FER: variants seen among roughly 807,000 people sequenced by gnomAD.
The protein encoded by FER is tyrosine-protein kinase Fer.
FER carries 63 observed loss-of-function variants against 111.0 expected under a neutral mutation model. The observed-to-expected ratio is 0.57, with a 90% CI of 0.46 to 0.70. FER has a LOEUF of 0.70. Among genes scored for constraint, FER ranks in the 30% least tolerant of loss-of-function variants. The pLI is 0.00. For synonymous variants in FER, 327 were observed against 313.9 expected, an observed-to-expected ratio of 1.04 and a Z score of -0.44; for missense variants, 914 against 954.0, an observed-to-expected ratio of 0.96 and a Z score of 0.55.
At position 109,119,550 on chromosome 5, in the gene FER, T is replaced by C. The variant is rs554367313; in HGVS notation, c.2048+19031T>C. On this transcript the variant is annotated intron_variant, in intron 17 of 19. Transcript: ENST00000281092. ...CTTCTTGGTGCAGAGCTGAGTTCAA[T>C]TCCTGGATATCCTTGTTAACTTTCT... Among the ~76,000 whole-genome samples, 4 of 152,238 alleles carry C rather than the reference T, an allele frequency of 2.6e-5. No homozygotes were observed. The East Asian group carries it at 7.7e-4, about 29-fold the overall frequency.
intron 2 of FER, chr5:108,784,414 G>A (rs62361342): frequency 0.24 from 36,424 of 153,858 alleles, 4,593 homozygotes; most frequent in African/African-American, 0.31. Context: ...GCCATACCAA[G>A]GACGTGCTGA....
At chr5:109,151,180 T>C (rs1012571213) in intron 17 of FER, among the ~76,000 whole-genome samples, 1 of 152,190 alleles carries the variant, frequency 6.6e-6, no homozygotes, top group Non-Finnish European at 1.5e-5. Flanking sequence ...ACTTTGTTTT[T>C]ACATTTGTTT....
rs531943577 is a variant in FER, at chr5:109,070,299, C to T, written c.1924+23101C>T. Among the ~76,000 whole-genome samples the T allele has an allele frequency of 2.0e-3, 307 of 151,986 alleles. 2 individuals carry two copies. The highest frequency in any genetic ancestry group is 6.7e-3 in the African/African-American group (280 of 41,538). On this transcript the variant is annotated intron_variant, in intron 16 of 19. Coordinates refer to ENST00000281092, the MANE Select transcript of FER (RefSeq NM_005246.4). ...ATAAGACATGCCACATGTTTTTAGA[C>T]TTAAGGTCTATCCAGTTCAGTATAA...
chr5:108,946,667 CTGTT>C (rs1320674253), intron 11 of FER, among the ~76,000 whole-genome samples: 2 of 151,856 alleles, frequency 1.3e-5, no homozygotes, highest in Non-Finnish European at 2.9e-5. Context: ...AAATTGAAGT[CTGTT>C]TGATAGATTA....
At chr5:109,051,151 G>T (rs963776890) in intron 16 of FER, among the ~76,000 whole-genome samples, 5 of 152,110 alleles carry the variant, frequency 3.3e-5, no homozygotes, top group African/African-American at 1.2e-4. Flanking sequence ...TACACCCCCA[G>T]TGAACCTAGG....
intron 16 of FER, chr5:109,052,070 T>C (rs1440882670): frequency 2.1e-5 from 33 of 1,603,884 alleles, no homozygotes; most frequent in Non-Finnish European, 2.8e-5. Flanking sequence ...TTTATCTCAA[T>C]CTGCTTCAAG....
At chr5:108,888,869 G>A (rs568670314) in intron 9 of FER, among the ~76,000 whole-genome samples, 3 of 151,750 alleles carry the variant, frequency 2.0e-5, no homozygotes, top group South Asian at 2.1e-4. Flanking sequence ...TAAAATGTTA[G>A]GACTAGAGAC....
At chr5:109,088,399 G>A (rs1407609130) in intron 16 of FER, among the ~76,000 whole-genome samples, 1 of 152,036 alleles carries the variant, frequency 6.6e-6, no homozygotes, top group Non-Finnish European at 1.5e-5. Flanking sequence ...AAGATGGAAT[G>A]TTATTTCTGA....
chr5:108,836,655 G>A (rs1321762076), intron 5 of FER, among the ~76,000 whole-genome samples: 4 of 151,780 alleles, frequency 2.6e-5, no homozygotes, highest in East Asian at 1.9e-4. Flanking sequence ...AAACATTCTC[G>A]TTATTTTGTC....
chr5:108,992,030 G>T (rs966413789), intron 13 of FER, among the ~76,000 whole-genome samples: 4 of 152,078 alleles, frequency 2.6e-5, no homozygotes, highest in South Asian at 2.1e-4. Flanking sequence ...GCGGCCTTCC[G>T]CAGTGTTTGT....
intron 2 of FER, among the ~76,000 whole-genome samples, chr5:108,772,481 A>G (rs1015196728): frequency 1.3e-5 from 2 of 151,226 alleles, no homozygotes; most frequent in African/African-American, 2.4e-5. Flanking sequence ...CTTTTAAGAG[A>G]TAAGATTTGT....
At chr5:108,839,843 C>A (rs6890309) in intron 5 of FER, among the ~76,000 whole-genome samples, 44 of 151,992 alleles carry the variant, frequency 2.9e-4, no homozygotes, top group African/African-American at 1.0e-3. Flanking sequence ...TCCCAAACTG[C>A]TGGGATTACA....
At chr5:108,875,576 A>G (rs1256285920) in intron 8 of FER, among the ~76,000 whole-genome samples, 2 of 152,156 alleles carry the variant, frequency 1.3e-5, no homozygotes, top group Non-Finnish European at 2.9e-5. Context: ...TTGAAAAAGT[A>G]AAGTCCATAC....
chr5:109,149,860 G>A (rs1462855142), intron 17 of FER, among the ~76,000 whole-genome samples: 2 of 152,028 alleles, frequency 1.3e-5, no homozygotes, highest in African/African-American at 4.8e-5. Context: ...CGGGTTCCTC[G>A]CCTGTTAGAA....
chr5:109,129,913 T>G (rs1306504013), intron 17 of FER, among the ~76,000 whole-genome samples: 1 of 152,054 alleles, frequency 6.6e-6, no homozygotes, highest in Non-Finnish European at 1.5e-5. Context: ...ACATCTCACA[T>G]ATATGAGATC....
At chr5:108,790,416 A>G (rs1755237546) in intron 2 of FER, among the ~76,000 whole-genome samples, 1 of 152,218 alleles carries the variant, frequency 6.6e-6, no homozygotes, top group Non-Finnish European at 1.5e-5. Flanking sequence ...AGCTGAATTA[A>G]CAAGAAATTC....
chr5:109,163,706 G>A (rs1230746199), intron 17 of FER, among the ~76,000 whole-genome samples: 2 of 152,104 alleles, frequency 1.3e-5, no homozygotes, highest in East Asian at 1.9e-4. Context: ...GCTTCCTAGA[G>A]TGGTGGGATT....
chr5:109,100,563 A>C, intron 17 of FER, 44 bp downstream of exon 17: 1 of 1,564,928 alleles, frequency 6.4e-7, no homozygotes, highest in Non-Finnish European at 8.7e-7. Flanking sequence ...TTATTAATAG[A>C]ATGCTGGAAA....
At chr5:108,963,022 A>AT in intron 13 of FER, among the ~76,000 whole-genome samples, 1 of 152,338 alleles carries the variant, frequency 6.6e-6, no homozygotes, top group East Asian at 1.9e-4. Context: ...AGATTTTAAT[A>AT]TATCAAAAAC....
Sources: allele counts gnomAD v4.1 joint callset (sites outside exome capture counted in the v4.1 genomes callset), GRCh38; gene constraint gnomAD v4.1.1; transcripts MANE v1.5; gene names NCBI Gene and HGNC (gene_info 2026-07-23, HGNC 2026-07-21).